Variants in SLC35F4 observed in about 807,000 individuals in gnomAD.
SLC35F4 encodes the protein solute carrier family 35 member F4.
Under a neutral mutation model 44.2 loss-of-function variants are expected in SLC35F4, and 24 were observed. The ratio of observed to expected loss-of-function variants is 0.54; its 90% CI spans 0.39 to 0.76. SLC35F4 has a LOEUF of 0.76. Ranked by LOEUF, SLC35F4 falls within the 30% of genes least tolerant of loss-of-function variation. The pLI is 0.00. For missense variants in SLC35F4, 562 were observed against 586.1 expected, an observed-to-expected ratio of 0.96 and a Z score of 0.42; for synonymous variants, 238 against 223.6, an observed-to-expected ratio of 1.06 and a Z score of -0.57.
intron 1 of SLC35F4, among the ~76,000 whole-genome samples, chr14:57,756,275 C>T (rs1160481423): frequency 6.6e-6 from 1 of 152,144 alleles, no homozygotes; most frequent in East Asian, 1.9e-4. Flanking sequence ...TCCTTCATTT[C>T]ATTTTCATTT....
At chr14:57,894,153 CTA>C (rs1351620013) in intron 1 of SLC35F4, among the ~76,000 whole-genome samples, 1 of 151,880 alleles carries the variant, frequency 6.6e-6, no homozygotes, top group East Asian at 1.9e-4. Flanking sequence ...TATAAAAACC[CTA>C]TGTTTAGCAT....
At chr14:57,666,671 C>T (rs1292771125) in intron 1 of SLC35F4, among the ~76,000 whole-genome samples, 2 of 148,924 alleles carry the variant, frequency 1.3e-5, no homozygotes, top group African/African-American at 4.9e-5. Context: ...AAAACTGATA[C>T]ATAATAAAAC....
At chr14:57,842,212 C>T (rs1016210401) in intron 1 of SLC35F4, among the ~76,000 whole-genome samples, 1 of 152,096 alleles carries the variant, frequency 6.6e-6, no homozygotes, top group African/African-American at 2.4e-5. Flanking sequence ...ATATTTTTTC[C>T]TTCACATTTT....
At chr14:57,969,598 T>C (rs1056607588) in intron 1 of SLC35F4, among the ~76,000 whole-genome samples, 6 of 152,170 alleles carry the variant, frequency 3.9e-5, no homozygotes, top group Admixed American at 1.3e-4. Context: ...GTATTCTGCA[T>C]TTTTTTAATA....
At chr14:57,762,810 GC>G (rs978086868) in intron 1 of SLC35F4, among the ~76,000 whole-genome samples, 25 of 152,028 alleles carry the variant, frequency 1.6e-4, no homozygotes, top group African/African-American at 5.8e-4. Context: ...ACCAGATGCA[GC>G]CCCTTGACCT....
chr14:57,697,105 T>G (rs900127804), intron 1 of SLC35F4, among the ~76,000 whole-genome samples: 2 of 152,142 alleles, frequency 1.3e-5, no homozygotes, highest in Admixed American at 1.3e-4. Flanking sequence ...ATATATTTTA[T>G]TATGTAAATT....
At chr14:57,690,464 A>G (rs927697734) in intron 1 of SLC35F4, among the ~76,000 whole-genome samples, 2 of 152,096 alleles carry the variant, frequency 1.3e-5, no homozygotes, top group East Asian at 1.9e-4. Context: ...CTTGTCTTCT[A>G]TACCAGCAGT....
At chr14:57,579,319 T>G (rs1301801556) in intron 4 of SLC35F4, 1 of 152,234 alleles carries the variant, frequency 6.6e-6, no homozygotes, top group East Asian at 1.9e-4. Context: ...TAAATGGCAA[T>G]GGTTGGTAGC....
intron 2 of SLC35F4, among the ~76,000 whole-genome samples, chr14:57,590,077 CTT>C (rs112429463): frequency 7.1e-4 from 98 of 138,756 alleles, no homozygotes; most frequent in East Asian, 1.5e-3. Context: ...TTCCATTTTC[CTT>C]TTTTTTTTTT....
chr14:57,853,044 A>C (rs1439592985), intron 1 of SLC35F4, among the ~76,000 whole-genome samples: 1 of 152,210 alleles, frequency 6.6e-6, no homozygotes, highest in East Asian at 1.9e-4. Context: ...TACCATGTTA[A>C]ATGTCATCCT....
intron 1 of SLC35F4, among the ~76,000 whole-genome samples, chr14:57,741,363 A>T (rs1566813012): frequency 2.0e-5 from 3 of 152,172 alleles, no homozygotes; most frequent in African/African-American, 2.4e-5. Context: ...ACAAATGACT[A>T]ACTAGAATAA....
In SLC35F4 at chr14:57,664,387, C is replaced by A. The variant is rs528113038; in HGVS notation, c.104-70263G>T. Among the ~76,000 whole-genome samples, 141 of 152,170 alleles carry A rather than the reference C, an allele frequency of 9.3e-4. 1 individual carries two copies. The highest frequency in any genetic ancestry group is 3.9e-3 in the Admixed American group (60 of 15,262). ...GGGACACTGAGGGTAGAACACTGGGCAGTCCAGTTCTATTTATTTATTTAT... is the reference window on the plus strand; with the variant it reads ...GGGACACTGAGGGTAGAACACTGGGAAGTCCAGTTCTATTTATTTATTTAT... On this transcript the variant is annotated intron_variant, in intron 1 of 7. Transcript: ENST00000556826.
rs373844348 is a variant in SLC35F4 at position 57,749,118 on chromosome 14, G to A, written c.103+116605C>T. ...ATGCCTGACATCAATATTCAACTCC[G>A]TGATGCCAAGAATTATATATAAAAC... is the stretch of plus-strand genomic sequence containing the variant. On this transcript the variant is annotated intron_variant, in intron 1 of 7. Coordinates refer to ENST00000556826, the MANE Select transcript of SLC35F4 (RefSeq NM_001306087.2). Among the ~76,000 whole-genome samples, 11 of 152,208 alleles carry A rather than the reference G, an allele frequency of 7.2e-5. No individual in the cohort carries two copies. In the South Asian group the frequency reaches 1.7e-3, roughly 23 times the overall value.
chr14:57,726,242 C>A (rs190168384), intron 1 of SLC35F4, among the ~76,000 whole-genome samples: 27 of 152,202 alleles, frequency 1.8e-4, no homozygotes, highest in Middle Eastern at 3.4e-3. Flanking sequence ...AATAGCCCAA[C>A]CCAGGCAGGA....
chr14:57,619,673 A>G (rs775826134), intron 1 of SLC35F4, among the ~76,000 whole-genome samples: 3 of 152,114 alleles, frequency 2.0e-5, no homozygotes, highest in Admixed American at 6.5e-5. Context: ...AGGGAACAAA[A>G]CTGAACGTAG....
At position 57,882,837 on chromosome 14, in the gene SLC35F4, C is replaced by T. The variant is rs1487107306; in HGVS notation, n.282+99076G>A. On this transcript the variant is annotated intron_variant and non_coding_transcript_variant, in intron 1 of 1. Coordinates refer to the SLC35F4 transcript ENST00000556568. ...CTCTCCCTGTATCCATGACCTTTCC[C>T]ATGTAATACTGCAGCTCAACCCATG... Among the ~76,000 whole-genome samples, 8 of 152,250 alleles carry T rather than the reference C, an allele frequency of 5.3e-5. No homozygotes were observed. In the South Asian group the frequency reaches 1.2e-3, roughly 24 times the overall value.
chr14:57,662,930 C>T (rs1206474124), intron 1 of SLC35F4, among the ~76,000 whole-genome samples: 1 of 152,172 alleles, frequency 6.6e-6, no homozygotes, highest in Non-Finnish European at 1.5e-5. Flanking sequence ...CTCCCCTGGA[C>T]TATGGTTGAC....
At chr14:57,837,799 A>T (rs1885085047) in intron 1 of SLC35F4, 1 of 152,188 alleles carries the variant, frequency 6.6e-6, no homozygotes, top group Admixed American at 6.5e-5. Flanking sequence ...TGAATAAATT[A>T]CCAATTCTTC....
intron 1 of SLC35F4, among the ~76,000 whole-genome samples, chr14:57,783,091 A>C (rs1318069141): frequency 6.6e-6 from 1 of 152,154 alleles, no homozygotes; most frequent in Non-Finnish European, 1.5e-5. Flanking sequence ...TACCTTTTAA[A>C]ATCATATTAA....
Sources: gnomAD v4.1 joint callset for allele counts (sites outside exome capture counted in the v4.1 genomes callset) on GRCh38, gnomAD v4.1.1 for gene constraint, MANE v1.5 for transcripts, NCBI Gene and HGNC (gene_info 2026-07-23, HGNC 2026-07-21) for gene names.